The following CLCN1 variants were observed in gnomAD, a reference collection of about 807,000 sequenced individuals.
CLCN1 encodes the protein chloride voltage-gated channel 1.
A neutral mutation model predicts 114.5 loss-of-function variants in CLCN1; 100 were observed. The ratio of observed to expected loss-of-function variants is 0.87; its 90% CI spans 0.74 to 1.03. The LOEUF (loss-of-function observed/expected upper bound fraction) is 1.03, where lower values mean the gene tolerates loss of function less well. Ranked by LOEUF, CLCN1 falls within the 50% of genes least tolerant of loss-of-function variation. CLCN1 has a pLI of 0.00. For missense variants in CLCN1, 1,188 were observed against 1,250.0 expected (o/e 0.95, Z 0.75); for synonymous variants, 485 against 487.1 (o/e 1.00, Z 0.06).
At position 143,319,859 on chromosome 7, in the gene CLCN1, C is replaced by T. The variant is rs764676032; in HGVS notation, c.285C>T (p.His95=). ...CCGTGGACAGCAAGGATGAGGATCA[C>T]TATTCTAAATGTCAAGGTGATGGGG... The part of the protein sequence containing the change: ...SSTVDSKDED[H]YSKCQDCIHR... Residue 95 remains histidine, a synonymous_variant, in exon 2 of 23, where the codon CAC becomes CAT. Transcript: ENST00000343257. The T allele has an allele frequency of 1.9e-6, 3 of 1,613,728 alleles. No homozygotes were observed. The African/African-American group carries it at 4.0e-5, about 22-fold the overall frequency.
chr7:143,319,223 G>A (rs558658276), intron 1 of CLCN1, among the ~76,000 whole-genome samples: 2 of 152,304 alleles, frequency 1.3e-5, no homozygotes, highest in South Asian at 2.1e-4. Context: ...GAGATGAAGT[G>A]GATGGTCTTG....
intron 10 of CLCN1, 115 bp from the exon 11 acceptor site, chr7:143,332,304 C>A: frequency 2.3e-6 from 2 of 861,176 alleles, no homozygotes; most frequent in South Asian, 1.3e-5. Flanking sequence ...GAATCTTTTT[C>A]ATTTAAAGAA....
chr7:143,342,556 T>A, intron 16 of CLCN1, 51 bp downstream of exon 16: 2 of 1,603,420 alleles, frequency 1.2e-6, no homozygotes, highest in Non-Finnish European at 1.7e-6. Context: ...TGAATAAGGG[T>A]CACATAGAGG....
At chr7:143,323,871 G>A (rs745558866) in intron 6 of CLCN1, 12 of 472,526 alleles carry the variant, frequency 2.5e-5, no homozygotes, top group South Asian at 1.9e-4. Context: ...GTGGGCGTGG[G>A]ATGCTGCTTT....
rs1802423532 is a variant in CLCN1, at chr7:143,321,276, G to A, written c.434-89G>A. On this transcript the variant is annotated intron_variant, in intron 3 of 22. Transcript: ENST00000343257. The surrounding 1 kb of genome is among the most constrained non-coding windows in gnomAD (Gnocchi z 4.2). Reference sequence around the variant, plus strand: ...AGAAGGGGCACACAGAAGGAGCACGGCCTGAGAACATGCCGGGTACACGTC... The same window carrying A: ...AGAAGGGGCACACAGAAGGAGCACGACCTGAGAACATGCCGGGTACACGTC... 2.0e-6 allele frequency: 3 copies of A among 1,502,680 alleles called. No individual in the cohort carries two copies. Among genetic ancestry groups the A allele is most frequent in the Non-Finnish European group, 2.7e-6 (3 of 1,094,418 alleles). 93.1% of individuals were successfully genotyped at this position (1,502,680 alleles called of 1,614,324 possible). A position where few individuals can be genotyped will look rare whatever the true frequency, so the allele number is the denominator to read the frequency against.
In CLCN1 at chr7:143,346,188, C is replaced by T. The variant is rs1226988170; in HGVS notation, c.2221C>T (p.Pro741Ser). The change falls in exon 18 of 23, where the codon CCA (proline) becomes TCA (serine). Residue 741 changes from proline (P) to serine (S), a missense_variant. Physicochemically the swap from Pro to Ser is moderately conservative, Grantham distance 74. Coordinates refer to ENST00000343257, the MANE Select transcript of CLCN1 (RefSeq NM_000083.3). ...LHPSTTAPLS[P>S]EEPNGPLPGH... ...CCCCTCTACTACTGCCCCTCTGTCCCCAGAAGAGCCCAATGGGCCTCTGCC... is the reference window on the plus strand; with the variant it reads ...CCCCTCTACTACTGCCCCTCTGTCCTCAGAAGAGCCCAATGGGCCTCTGCC... 1.9e-6 allele frequency: 3 copies of T among 1,613,714 alleles called. No individual in the cohort carries two copies. The highest frequency in any genetic ancestry group is 2.2e-5 in the South Asian group (2 of 91,074).
At chr7:143,343,708 TTCTTTC>T (rs1252380193) in intron 16 of CLCN1, among the ~76,000 whole-genome samples, 6 of 151,662 alleles carry the variant, frequency 4.0e-5, no homozygotes, top group African/African-American at 9.7e-5. Context: ...CTTCCTTCCT[TTCTTTC>T]TCTTTCTTTC....
chr7:143,336,196 G>A (rs754770480), intron 12 of CLCN1, among the ~76,000 whole-genome samples: 3 of 151,742 alleles, frequency 2.0e-5, no homozygotes, highest in Non-Finnish European at 4.4e-5. Flanking sequence ...TCATTCTCCC[G>A]AAGTGAATTC....
intron 12 of CLCN1, among the ~76,000 whole-genome samples, chr7:143,338,666 A>T (rs1586506668): frequency 6.6e-6 from 1 of 152,110 alleles, no homozygotes; most frequent in African/African-American, 2.4e-5. Flanking sequence ...GTGCGCCTAT[A>T]GTCCCAGCTA....
intron 1 of CLCN1, among the ~76,000 whole-genome samples, chr7:143,319,190 T>C (rs1474396795): frequency 6.6e-6 from 1 of 152,186 alleles, no homozygotes; most frequent in East Asian, 1.9e-4. Context: ...GGGCTAGTTC[T>C]TGTGTGTGCA....
At chr7:143,341,158 T>C (rs1352802768) in intron 14 of CLCN1, among the ~76,000 whole-genome samples, 1 of 152,124 alleles carries the variant, frequency 6.6e-6, no homozygotes, top group East Asian at 1.9e-4. Context: ...TTGCTGCATG[T>C]CCACAGTATG....
rs749499046 is a variant in CLCN1 at position 143,339,483 on chromosome 7, A to ACCTT, written c.1472-19_1472-16dup. ...GAGCAAGGAACTTGGATCTCGTAAC[A>ACCTT]CCTTCCTTCCTTTTATCTTCCCTCT... On this transcript the variant is annotated intron_variant, in intron 13 of 22. Coordinates refer to ENST00000343257, the MANE Select transcript of CLCN1 (RefSeq NM_000083.3). This position sits in a 1 kb window ranked among gnomAD's most constrained non-coding sequence, Gnocchi z 4.1. 7.7e-6 allele frequency: 12 copies of ACCTT among 1,561,304 alleles called. No individual in the cohort carries two copies. In the East Asian group the frequency reaches 1.3e-4, roughly 17 times the overall value.
chr7:143,325,432 C>T (rs1563076263), intron 7 of CLCN1, among the ~76,000 whole-genome samples: 1 of 152,198 alleles, frequency 6.6e-6, no homozygotes, highest in African/African-American at 2.4e-5. Flanking sequence ...CATGATCTAA[C>T]TTATGCAAAC....
chr7:143,321,581 C>A lies in CLCN1; in HGVS notation c.562+88C>A. ...CCCCATCATCCAGCCCCACCCACAGCCCTGTGCTGCCTTGCCCCATCCTCC... is the reference window on the plus strand; with the variant it reads ...CCCCATCATCCAGCCCCACCCACAGACCTGTGCTGCCTTGCCCCATCCTCC... On this transcript the variant is annotated intron_variant, in intron 4 of 22. Transcript: ENST00000343257. This position sits in a 1 kb window ranked among gnomAD's most constrained non-coding sequence, Gnocchi z 4.2. 1 of 1,607,460 alleles carries A rather than the reference C, an allele frequency of 6.2e-7. No homozygotes were observed. Among genetic ancestry groups the A allele is most frequent in the South Asian group, 1.1e-5 (1 of 90,946 alleles).
chr7:143,342,334 A>G, intron 15 of CLCN1, 38 bp from the exon 16 acceptor site: 10 of 1,613,068 alleles, frequency 6.2e-6, no homozygotes, highest in Non-Finnish European at 8.5e-6. Flanking sequence ...GGATAGGTAT[A>G]CGGTGGGGCT....
In CLCN1 at chr7:143,321,256, G is replaced by A; in HGVS notation, c.434-109G>A. The A allele has an allele frequency of 7.7e-7, 1 of 1,295,116 alleles. No individual in the cohort carries two copies. Among genetic ancestry groups the A allele is most frequent in the Admixed American group, 1.9e-5 (1 of 51,478 alleles). 80.2% of individuals were successfully genotyped at this position (1,295,116 alleles called of 1,614,324 possible). Reference sequence around the variant, plus strand: ...AATGAGAGCAGCACCATCTCAGAAGGGGCACACAGAAGGAGCACGGCCTGA... The same window carrying A: ...AATGAGAGCAGCACCATCTCAGAAGAGGCACACAGAAGGAGCACGGCCTGA... On this transcript the variant is annotated intron_variant, in intron 3 of 22. Transcript: ENST00000343257. This position sits in a 1 kb window ranked among gnomAD's most constrained non-coding sequence, Gnocchi z 4.2.
chr7:143,346,029 C>CT (rs113566484), intron 17 of CLCN1, 111 bp from the exon 18 acceptor site: 3 of 860,716 alleles, frequency 3.5e-6, no homozygotes, highest in African/African-American at 1.7e-5. Flanking sequence ...AATTTCTGAA[C>CT]TGGGGGGAAG....
chr7:143,336,385 G>A (rs886498904), intron 12 of CLCN1, among the ~76,000 whole-genome samples: 4 of 151,764 alleles, frequency 2.6e-5, no homozygotes, highest in Middle Eastern at 3.4e-3. Flanking sequence ...CAAAGCAGGC[G>A]GATCACCTGA....
rs545136611 is a variant in CLCN1, at chr7:143,321,636, T to G, written c.563-79T>G. 6.2e-7 allele frequency: 1 copy of G among 1,608,300 alleles called. No individual in the cohort carries two copies. The highest frequency in any genetic ancestry group is 2.2e-5 in the East Asian group (1 of 44,830). On this transcript the variant is annotated intron_variant, in intron 4 of 22. Transcript: ENST00000343257. This position sits in a 1 kb window ranked among gnomAD's most constrained non-coding sequence, Gnocchi z 4.2. The stretch of plus-strand genomic sequence containing the variant: ...CACTGCCTCTTCAGCCCTCTCCAAT[T>G]CCCATTCCCATATTCTGGACATTCA...
Sources: allele counts gnomAD v4.1 joint callset (sites outside exome capture counted in the v4.1 genomes callset), GRCh38; gene constraint gnomAD v4.1.1; non-coding constraint Gnocchi (gnomAD v3.1); transcripts MANE v1.5; gene names NCBI Gene and HGNC (gene_info 2026-07-23, HGNC 2026-07-21).